LPP: variants seen among roughly 807,000 people sequenced by gnomAD.
LPP encodes lipoma-preferred partner.
LPP carries 38 observed loss-of-function variants against 60.4 expected under a neutral mutation model. The observed-to-expected ratio is 0.63, with a 90% CI of 0.49 to 0.83. The LOEUF (loss-of-function observed/expected upper bound fraction) is 0.83, where lower values mean the gene tolerates loss of function less well. Among genes scored for constraint, LPP ranks in the 40% least tolerant of loss-of-function variants. The probability of loss-of-function intolerance (pLI) is 0.00; values close to 1 mark genes in which losing one functional copy is unlikely to be tolerated. For missense variants in LPP, 902 were observed against 783.6 expected, an observed-to-expected ratio of 1.15 and a Z score of -1.80; for synonymous variants, 328 against 290.8, an observed-to-expected ratio of 1.13 and a Z score of -1.30.
chr3:188,371,642 T>TACA (rs1553878070), intron 3 of LPP, among the ~76,000 whole-genome samples: 1 of 16,238 alleles, frequency 6.2e-5, no homozygotes, highest in Non-Finnish European at 9.9e-5. Flanking sequence ...TATATATATA[T>TACA]TTTTTTTTTT....
At chr3:188,219,745 T>A (rs1410311874) in intron 1 of LPP, among the ~76,000 whole-genome samples, 2 of 152,180 alleles carry the variant, frequency 1.3e-5, no homozygotes, top group Admixed American at 6.5e-5. Flanking sequence ...ATGCTCCTGC[T>A]TACATATCTT....
intron 7 of LPP, among the ~76,000 whole-genome samples, chr3:188,647,188 T>G (rs1408344209): frequency 3.3e-5 from 5 of 152,212 alleles, no homozygotes; most frequent in Admixed American, 1.3e-4. Flanking sequence ...CACACTGCAT[T>G]TCCCACCATC....
At chr3:188,490,656 G>A (rs1808060098) in intron 5 of LPP, among the ~76,000 whole-genome samples, 2 of 151,440 alleles carry the variant, frequency 1.3e-5, no homozygotes, top group Non-Finnish European at 2.9e-5. Flanking sequence ...GAGCCACCAT[G>A]CCCGGCCTCA....
intron 3 of LPP, among the ~76,000 whole-genome samples, chr3:188,346,597 G>T (rs1215486286): frequency 6.6e-6 from 1 of 152,130 alleles, no homozygotes; most frequent in Non-Finnish European, 1.5e-5. Context: ...GTGTGTGTAT[G>T]TGCGTGCACA....
intron 3 of LPP, among the ~76,000 whole-genome samples, chr3:188,346,861 T>TG (rs1311469572): frequency 1.3e-5 from 2 of 152,196 alleles, no homozygotes; most frequent in Admixed American, 1.3e-4. Context: ...TAGTCACCTA[T>TG]TGTTATACTC....
chr3:188,885,591 A>G lies in LPP; in HGVS notation c.*11112A>G, dbSNP rs1000642352. ...CTTTGCTATTGTGAATAGTGCCGCA[A>G]TAAACATAAGTGTGCATGTGTCTTT... On this transcript the variant is annotated 3_prime_UTR_variant, in exon 12 of 12. Coordinates refer to ENST00000617246, the MANE Select transcript of LPP (RefSeq NM_001375462.1). 2 of 163,430 alleles carry G rather than the reference A, an allele frequency of 1.2e-5. No individual in the cohort carries two copies. Among genetic ancestry groups the G allele is most frequent in the African/African-American group, 4.8e-5 (2 of 41,806 alleles). The allele number at this position is 163,430 out of a possible 1,614,324, so 10.1% of individuals were successfully genotyped here. A position where few individuals can be genotyped will look rare whatever the true frequency, so the allele number is the denominator to read the frequency against.
intron 6 of LPP, among the ~76,000 whole-genome samples, chr3:188,582,546 C>G (rs1190218944): frequency 6.6e-6 from 1 of 152,008 alleles, no homozygotes; most frequent in East Asian, 1.9e-4. Flanking sequence ...GCTCTTGTTT[C>G]ACTTCCCACA....
chr3:188,675,330 C>T (rs1294782811), intron 7 of LPP, among the ~76,000 whole-genome samples: 2 of 152,154 alleles, frequency 1.3e-5, no homozygotes, highest in Non-Finnish European at 2.9e-5. Context: ...GGACAGCTAG[C>T]CTGGATCTTC....
At chr3:188,553,753 G>A (rs766977382) in intron 6 of LPP, 1 of 152,178 alleles carries the variant, frequency 6.6e-6, no homozygotes, top group Non-Finnish European at 1.5e-5. Context: ...TTACACTGTT[G>A]TGTTGCAGAG....
chr3:188,659,429 C>T (rs898993594), intron 7 of LPP, among the ~76,000 whole-genome samples: 11 of 152,096 alleles, frequency 7.2e-5, no homozygotes, highest in South Asian at 4.1e-4. Context: ...TCAAGTAAGC[C>T]GGTAAATATA....
intron 3 of LPP, among the ~76,000 whole-genome samples, chr3:188,394,890 G>C (rs981148053): frequency 5.3e-5 from 8 of 152,272 alleles, no homozygotes; most frequent in Middle Eastern, 3.4e-3. Context: ...GTCCCCAGTT[G>C]AAAATGCTTC....
chr3:188,474,272 G>A (rs1802573748), intron 4 of LPP, among the ~76,000 whole-genome samples: 1 of 151,640 alleles, frequency 6.6e-6, no homozygotes, highest in African/African-American at 2.4e-5. Flanking sequence ...TCAAGGAGCT[G>A]TTAATCAGGT....
chr3:188,606,442 G>A (rs1842390992), intron 6 of LPP, among the ~76,000 whole-genome samples: 1 of 152,002 alleles, frequency 6.6e-6, no homozygotes, highest in South Asian at 2.1e-4. Flanking sequence ...GGATAGAGTG[G>A]TATCTTTTTG....
intron 6 of LPP, among the ~76,000 whole-genome samples, chr3:188,545,516 T>C (rs966306724): frequency 3.3e-5 from 5 of 152,088 alleles, no homozygotes; most frequent in Non-Finnish European, 5.9e-5. Context: ...GCAATTTTGA[T>C]AGTACTCCAT....
intron 5 of LPP, among the ~76,000 whole-genome samples, chr3:188,523,545 T>C (rs1030824764): frequency 1.3e-5 from 2 of 152,226 alleles, no homozygotes; most frequent in Non-Finnish European, 2.9e-5. Context: ...AAACGACAGA[T>C]TGACTTCAAG....
intron 2 of LPP, among the ~76,000 whole-genome samples, chr3:188,295,917 T>C (rs1560212916): frequency 6.6e-6 from 1 of 152,170 alleles, no homozygotes; most frequent in Non-Finnish European, 1.5e-5. Context: ...ACAGTCAGTT[T>C]TGAAATGCAC....
At chr3:188,671,273 T>A (rs559841232) in intron 7 of LPP, among the ~76,000 whole-genome samples, 6 of 152,352 alleles carry the variant, frequency 3.9e-5, no homozygotes, top group South Asian at 2.1e-4. Context: ...TTTCAATTAA[T>A]AAATGTGTAA....
At chr3:188,269,205 T>C (rs2306377) in intron 2 of LPP, among the ~76,000 whole-genome samples, 17,294 of 152,200 alleles carry the variant, frequency 0.11, 1,318 homozygotes, top group African/African-American at 0.21. Flanking sequence ...GATCGTAATA[T>C]CTTTATGCTG....
intron 2 of LPP, among the ~76,000 whole-genome samples, chr3:188,322,773 A>G (rs1757315365): frequency 6.6e-6 from 1 of 152,156 alleles, no homozygotes; most frequent in South Asian, 2.1e-4. Flanking sequence ...GTAACTTCTC[A>G]TCTCTGAGCA....
Sources: gnomAD v4.1 joint callset for allele counts (sites outside exome capture counted in the v4.1 genomes callset) on GRCh38, gnomAD v4.1.1 for gene constraint, MANE v1.5 for transcripts, NCBI Gene and HGNC (gene_info 2026-07-23, HGNC 2026-07-21) for gene names.